Variants in MDN1 observed in about 807,000 individuals in gnomAD.
MDN1 encodes midasin.
MDN1 carries 266 observed loss-of-function variants against 669.2 expected under a neutral mutation model. The ratio of observed to expected loss-of-function variants is 0.40; its 90% CI spans 0.36 to 0.44. MDN1 has a LOEUF of 0.44. Ranked by LOEUF, MDN1 falls within the 20% of genes least tolerant of loss-of-function variation. The pLI is 1.00. For missense variants in MDN1, 5,940 were observed against 6,754.0 expected (o/e 0.88, Z 4.22); for synonymous variants, 2,385 against 2,457.1 (o/e 0.97, Z 0.87).
At chr6:89,748,042 T>A (rs992416026) in intron 26 of MDN1, among the ~76,000 whole-genome samples, 1 of 151,554 alleles carries the variant, frequency 6.6e-6, no homozygotes, top group Non-Finnish European at 1.5e-5. Context: ...TTAATAGTAA[T>A]GCAAATGGGC....
intron 52 of MDN1, among the ~76,000 whole-genome samples, chr6:89,706,980 A>G (rs1813559955): frequency 6.6e-6 from 1 of 151,850 alleles, no homozygotes; most frequent in African/African-American, 2.4e-5. Context: ...GCTCCCTCCT[A>G]TAATAAATGC....
chr6:89,818,170 T>G, intron 1 of MDN1, among the ~76,000 whole-genome samples: 1 of 150,698 alleles, frequency 6.6e-6, no homozygotes. Context: ...ATACAAAATA[T>G]TAGCCAGGCA....
At chr6:89,650,315 G>T in intron 96 of MDN1, 117 bp from the exon 97 acceptor site, 1 of 918,288 alleles carries the variant, frequency 1.1e-6, no homozygotes, top group Non-Finnish European at 1.6e-6. Context: ...TAGGAACCTG[G>T]CACAATGAAG....
intron 2 of MDN1, among the ~76,000 whole-genome samples, chr6:89,801,737 T>C (rs1767678702): frequency 6.7e-6 from 1 of 149,870 alleles, no homozygotes; most frequent in African/African-American, 2.5e-5. Context: ...GAGGCTGCAA[T>C]GAGCCAAGAT....
In MDN1 at chr6:89,762,431, G is replaced by C; in HGVS notation, c.2244C>G (p.Phe748Leu). Reference sequence around the variant, plus strand: ...TGTAACAGGTCTGAATGTGCCCCAAGAACGTAAAGTTTTGTTTCTTGGAAA... The same window carrying C: ...TGTAACAGGTCTGAATGTGCCCCAACAACGTAAAGTTTTGTTTCTTGGAAA... The part of the protein sequence containing the change: ...QTFSKKQNFT[F>L]LGHIQTCYRQ... The change falls in exon 16 of 102, where the codon TTC becomes TTG. Residue 748 changes from phenylalanine (F) to leucine (L), a missense_variant. By Grantham distance (22) the Phe-to-Leu change is conservative. This residue lies in a region of MDN1 where 1,203 missense variants were observed against 1,268.9 expected (regional missense o/e 0.95). Transcript: ENST00000369393. The C allele has an allele frequency of 6.2e-7, 1 of 1,614,084 alleles. No homozygotes were observed. The highest frequency in any genetic ancestry group is 8.5e-7 in the Non-Finnish European group (1 of 1,179,958).
rs369519716 is a variant in MDN1, at chr6:89,772,657, C to T, written c.1999G>A (p.Val667Ile). Residue 667 changes from valine to isoleucine, a missense_variant, in exon 14 of 102, where the codon GTC becomes ATC. Physicochemically the swap from Val to Ile is conservative, Grantham distance 29. Transcript: ENST00000369393. The part of the protein sequence containing the change: ...SVLIEQLAVC[V>I]SKGEPVLLVG... The stretch of plus-strand genomic sequence containing the variant: ...AGCAACACAGGCTCCCCTTTGCTGA[C>T]ACACACTGCAAGCTGCTCGATGAGA... 6.2e-7 allele frequency: 1 copy of T among 1,614,006 alleles called. No homozygotes were observed. The highest frequency in any genetic ancestry group is 8.5e-7 in the Non-Finnish European group (1 of 1,180,018).
At chr6:89,743,782 C>G in intron 29 of MDN1, 68 bp from the exon 30 acceptor site, 2 of 1,525,048 alleles carry the variant, frequency 1.3e-6, no homozygotes, top group Non-Finnish European at 9.0e-7. Flanking sequence ...CACCCCCCCT[C>G]AGCAAAAGAG....
intron 2 of MDN1, among the ~76,000 whole-genome samples, chr6:89,798,342 G>A (rs1235272520): frequency 1.3e-5 from 2 of 151,652 alleles, no homozygotes; most frequent in African/African-American, 4.8e-5. Flanking sequence ...GAGAAACCCC[G>A]TCTCTACTAA....
intron 77 of MDN1, 30 bp downstream of exon 77, chr6:89,676,072 C>T (rs769189123): frequency 1.9e-6 from 3 of 1,591,798 alleles, no homozygotes; most frequent in Non-Finnish European, 2.6e-6. Flanking sequence ...TTCCCTGAGC[C>T]CCTGCAAGAC....
intron 31 of MDN1, among the ~76,000 whole-genome samples, chr6:89,741,570 C>G (rs139921202): frequency 1.3e-5 from 2 of 152,096 alleles, no homozygotes; most frequent in African/African-American, 4.8e-5. Flanking sequence ...GATTCATAAC[C>G]TTCCCAATTG....
In MDN1 at chr6:89,794,104, A is replaced by C; in HGVS notation, c.658T>G (p.Leu220Val). The C allele has an allele frequency of 6.4e-7, 1 of 1,574,152 alleles. No homozygotes were observed. The highest frequency in any genetic ancestry group is 8.6e-7 in the Non-Finnish European group (1 of 1,160,826). The change falls in exon 4 of 102, where the codon TTG (leucine) becomes GTG (valine). Residue 220 changes from leucine to valine, a missense_variant. Leu to Val is a conservative substitution (Grantham distance 32). Around this residue, in one of 5 missense-constraint regions of MDN1, gnomAD observed 1,203 missense variants for 1,268.9 expected, o/e 0.95. Coordinates refer to ENST00000369393, the MANE Select transcript of MDN1 (RefSeq NM_014611.3). The stretch of plus-strand genomic sequence containing the variant: ...TCCACGAAGGTTCCTGCTTACCTCA[A>C]CCTGAAATGGATCAATTCATCACTA... The part of the protein sequence containing the change: ...FNSDELIHFR[L>V]RLLEEAQLQD...
intron 79 of MDN1, 149 bp downstream of exon 79, chr6:89,673,955 C>CCCCA: frequency 1.4e-6 from 1 of 702,622 alleles, no homozygotes. Context: ...CACCCCACCC[C>CCCCA]ATCCCCCAAA....
chr6:89,706,180 T>A lies in MDN1; in HGVS notation c.8027A>T (p.Tyr2676Phe). The A allele has an allele frequency of 6.2e-7, 1 of 1,611,900 alleles. No individual in the cohort carries two copies. The change falls in exon 53 of 102, where the codon TAT becomes TTT. Residue 2676 changes from tyrosine to phenylalanine, a missense_variant. Coordinates refer to ENST00000369393, the MANE Select transcript of MDN1 (RefSeq NM_014611.3). ...SFEFHQDPES[Y>F]HTLPHEIVVN... ...CACAATTTCATGGGGCAGAGTGTGA[T>A]AGCTTTCTGGATCTGAGAGTCAACA...
intron 88 of MDN1, among the ~76,000 whole-genome samples, 185 bp downstream of exon 88, chr6:89,661,246 G>C: frequency 1.3e-5 from 2 of 152,330 alleles, no homozygotes; most frequent in East Asian, 3.9e-4. Context: ...TGGTTGATGA[G>C]CTGTAGGGAT....
intron 27 of MDN1, among the ~76,000 whole-genome samples, chr6:89,746,833 A>C (rs966805844): frequency 2.6e-5 from 4 of 152,160 alleles, no homozygotes; most frequent in African/African-American, 4.8e-5. Context: ...TTCAAATCAG[A>C]AGATTCCAAA....
At chr6:89,741,772 C>G (rs1816311144) in intron 31 of MDN1, among the ~76,000 whole-genome samples, 1 of 152,152 alleles carries the variant, frequency 6.6e-6, no homozygotes, top group Non-Finnish European at 1.5e-5. Context: ...GATTTCAACC[C>G]TGTCCCAACA....
rs757531336 is a variant in MDN1, at chr6:89,794,747, T to C, written c.384A>G (p.Leu128=). ...DTSPVFQRLF[L]ESSDANPVRY... The stretch of plus-strand genomic sequence containing the variant: ...GTACTGGATTAGCATCTGAACTCTC[T>C]AGGAAAAGTCTTTGAAAGACTGGGG... Residue 128 remains leucine (L), a synonymous_variant, in exon 3 of 102, where the codon CTA becomes CTG. Transcript: ENST00000369393. 6.8e-6 allele frequency: 11 copies of C among 1,614,170 alleles called. No homozygotes were observed. The highest frequency in any genetic ancestry group is 8.5e-6 in the Non-Finnish European group (10 of 1,180,022).
rs1035632575 is a variant in MDN1 at position 89,685,942 on chromosome 6, G to A, written c.11604C>T (p.Val3868=). The A allele has an allele frequency of 4.3e-6, 7 of 1,613,456 alleles. No individual in the cohort carries two copies. Among genetic ancestry groups the A allele is most frequent in the Non-Finnish European group, 5.9e-6 (7 of 1,179,882 alleles). ...CTTCAATAAATGCTTGTAATGTGCT[G>A]ACCAGCAACATCAAGGTCATCTGTT... ...DDKQMTLMLL[V]STLQAFIEGS... is the part of the protein sequence containing the mutation. The change falls in exon 70 of 102, where the codon GTC becomes GTT. Residue 3868 remains valine (V), a synonymous_variant. Coordinates refer to ENST00000369393, the MANE Select transcript of MDN1 (RefSeq NM_014611.3).
intron 1 of MDN1, among the ~76,000 whole-genome samples, chr6:89,816,571 T>C (rs1768849681): frequency 1.3e-5 from 2 of 151,456 alleles, no homozygotes; most frequent in Admixed American, 1.3e-4. Flanking sequence ...TAAAAAATAA[T>C]AAAAATTTTA....
Sources: allele counts gnomAD v4.1 joint callset (sites outside exome capture counted in the v4.1 genomes callset), GRCh38; gene constraint gnomAD v4.1.1; regional missense constraint gnomAD v4.1.1; transcripts MANE v1.5; gene names NCBI Gene and HGNC (gene_info 2026-07-23, HGNC 2026-07-21).